Variants in PTPRD observed in about 807,000 individuals in gnomAD.
PTPRD encodes the protein receptor-type tyrosine-protein phosphatase delta.
Under a neutral mutation model 214.5 loss-of-function variants are expected in PTPRD, and 34 were observed. That is an observed-to-expected ratio of 0.16 (90% CI 0.12 to 0.21). The LOEUF (loss-of-function observed/expected upper bound fraction) is 0.21, where lower values mean the gene tolerates loss of function less well. Ranked by LOEUF, PTPRD falls within the 10% of genes least tolerant of loss-of-function variation. PTPRD has a pLI of 1.00. For synonymous variants in PTPRD, 1,128 were observed against 845.7 expected (o/e 1.33, Z -5.79); for missense variants, 2,545 against 2,398.7 (o/e 1.06, Z -1.27).
rs148716154 is a variant in PTPRD at position 8,997,120 on chromosome 9, A to G, written c.-104+21577T>C. ...AAGCTCAATGGCAGCATAATATTCT[A>G]TCATTTGGACAAACTGTGACTAGCA... On this transcript the variant is annotated intron_variant, in intron 11 of 45. Transcript: ENST00000381196. Among the ~76,000 whole-genome samples the G allele has an allele frequency of 3.0e-3, 455 of 152,206 alleles. 2 individuals are homozygous for G. The highest frequency in any genetic ancestry group is 0.01 in the African/African-American group (434 of 41,548).
chr9:9,356,914 G>C (rs995095480), intron 9 of PTPRD, among the ~76,000 whole-genome samples: 1 of 151,348 alleles, frequency 6.6e-6, no homozygotes. Flanking sequence ...TGAGGCAGCA[G>C]AATTATAGTT....
intron 39 of PTPRD, among the ~76,000 whole-genome samples, chr9:8,373,747 T>C (rs2082255119): frequency 6.6e-6 from 1 of 151,766 alleles, no homozygotes; most frequent in Non-Finnish European, 1.5e-5. Context: ...TCACGGTGCC[T>C]AGCATGAAAC....
At chr9:9,437,392 G>C (rs933914254) in intron 8 of PTPRD, among the ~76,000 whole-genome samples, 1 of 152,042 alleles carries the variant, frequency 6.6e-6, no homozygotes, top group African/African-American at 2.4e-5. Flanking sequence ...GGAGCTATTG[G>C]CTAGATGGCT....
At chr9:10,498,403 A>T (rs535668582) in intron 2 of PTPRD, among the ~76,000 whole-genome samples, 312 of 152,124 alleles carry the variant, frequency 2.1e-3, no homozygotes, top group Non-Finnish European at 3.6e-3. Context: ...ATTAACTGTT[A>T]GCTTTATTGG....
intron 5 of PTPRD, among the ~76,000 whole-genome samples, chr9:9,814,316 A>G (rs1327931232): frequency 1.3e-5 from 2 of 151,660 alleles, no homozygotes; most frequent in African/African-American, 4.8e-5. Context: ...AAGAAAAAAA[A>G]AAAAGCATCC....
At chr9:8,819,393 T>C (rs376233506) in intron 11 of PTPRD, among the ~76,000 whole-genome samples, 45 of 152,176 alleles carry the variant, frequency 3.0e-4, no homozygotes, top group African/African-American at 1.1e-3. Flanking sequence ...CCCAGCACAG[T>C]GGCTCACACC....
rs1288591424 is a variant in PTPRD at position 8,929,864 on chromosome 9, TAC to T, written c.-104+88831_-104+88832del. Among the ~76,000 whole-genome samples the T allele has an allele frequency of 1.5e-4, 15 of 103,240 alleles. 1 individual carries two copies. Among genetic ancestry groups the T allele is most frequent in the East Asian group, 1.2e-3 (4 of 3,260 alleles). The allele number at this position is 103,240 out of a possible 152,430, so 67.7% of individuals were successfully genotyped here. On this transcript the variant is annotated intron_variant, in intron 11 of 45. Transcript: ENST00000381196. The stretch of plus-strand genomic sequence containing the variant: ...ATATGTGTGTATATATATGTGTATA[TAC>T]ATGTGTGTGTATATATGTGTGTGTA...
At chr9:10,404,238 T>A (rs994426198) in intron 2 of PTPRD, among the ~76,000 whole-genome samples, 2 of 150,394 alleles carry the variant, frequency 1.3e-5, no homozygotes, top group Non-Finnish European at 3.0e-5. Context: ...CAACCAGGGG[T>A]GGTGGAAGGT....
At chr9:9,884,135 T>C (rs1432300321) in intron 5 of PTPRD, among the ~76,000 whole-genome samples, 1 of 152,118 alleles carries the variant, frequency 6.6e-6, no homozygotes, top group Non-Finnish European at 1.5e-5. Context: ...TTCCAAACTA[T>C]GTAGCAGTGA....
chr9:9,826,508 A>T (rs749533740), intron 5 of PTPRD, among the ~76,000 whole-genome samples: 1 of 152,004 alleles, frequency 6.6e-6, no homozygotes, highest in African/African-American at 2.4e-5. Flanking sequence ...AGACAGTACC[A>T]TTATAAAGTA....
chr9:9,602,003 T>A (rs1334334919), intron 7 of PTPRD, among the ~76,000 whole-genome samples: 1 of 152,044 alleles, frequency 6.6e-6, no homozygotes, highest in Non-Finnish European at 1.5e-5. Flanking sequence ...ATTGGCAGAT[T>A]TGTGTGTATG....
At chr9:9,825,916 A>G (rs2052664742) in intron 5 of PTPRD, among the ~76,000 whole-genome samples, 4 of 151,506 alleles carry the variant, frequency 2.6e-5, no homozygotes, top group Admixed American at 2.6e-4. Context: ...AAGATCTATT[A>G]TTTTATTATA....
intron 8 of PTPRD, among the ~76,000 whole-genome samples, chr9:9,419,532 T>C (rs982956431): frequency 6.6e-6 from 1 of 151,862 alleles, no homozygotes; most frequent in Non-Finnish European, 1.5e-5. Flanking sequence ...CCTATAATTC[T>C]GCTTAGAAGT....
chr9:10,098,171 T>G (rs977366977), intron 3 of PTPRD, among the ~76,000 whole-genome samples: 8 of 151,588 alleles, frequency 5.3e-5, no homozygotes, highest in East Asian at 1.9e-4. Flanking sequence ...CCATAAAAAA[T>G]GATGAGTTCA....
rs183710151 is a variant in PTPRD at position 9,289,706 on chromosome 9, A to G, written c.-202-106343T>C. Reference sequence around the variant, plus strand: ...TAAATTCCACATATAATGAGATCACACAGTATTTTTCTTTCTGTGTATGGC... The same window carrying G: ...TAAATTCCACATATAATGAGATCACGCAGTATTTTTCTTTCTGTGTATGGC... On this transcript the variant is annotated intron_variant, in intron 9 of 45. Coordinates refer to ENST00000381196, the MANE Select transcript of PTPRD (RefSeq NM_002839.4). 5.9e-5 allele frequency among the ~76,000 whole-genome samples: 9 copies of G among 151,850 alleles called. No homozygotes were observed. In the East Asian group the frequency reaches 1.8e-3, roughly 30 times the overall value.
chr9:9,711,340 T>A (rs1320098289), intron 7 of PTPRD, among the ~76,000 whole-genome samples: 1 of 152,106 alleles, frequency 6.6e-6, no homozygotes. Flanking sequence ...GACGGCAGTT[T>A]CCAAGAATCT....
intron 5 of PTPRD, among the ~76,000 whole-genome samples, chr9:9,937,069 C>G (rs1383570008): frequency 1.3e-5 from 2 of 151,782 alleles, no homozygotes; most frequent in African/African-American, 4.8e-5. Context: ...ACTCTGGGGA[C>G]TGTTGTTGGG....
chr9:10,511,131 G>C (rs1325591023), intron 2 of PTPRD, among the ~76,000 whole-genome samples: 1 of 152,096 alleles, frequency 6.6e-6, no homozygotes, highest in Non-Finnish European at 1.5e-5. Flanking sequence ...CCAGTGTATG[G>C]AATGGATGTG....
chr9:10,159,897 T>C (rs569888680), intron 3 of PTPRD, among the ~76,000 whole-genome samples: 3 of 152,156 alleles, frequency 2.0e-5, no homozygotes, highest in African/African-American at 7.2e-5. Context: ...GAATTATTGG[T>C]GTTCAAAAGG....
Sources: allele counts gnomAD v4.1 joint callset (sites outside exome capture counted in the v4.1 genomes callset), GRCh38; gene constraint gnomAD v4.1.1; transcripts MANE v1.5; gene names NCBI Gene and HGNC (gene_info 2026-07-23, HGNC 2026-07-21).